The following CLEC16A variants were observed in gnomAD, a reference collection of about 807,000 sequenced individuals.
The protein encoded by CLEC16A is protein CLEC16A.
CLEC16A carries 51 observed loss-of-function variants against 109.5 expected under a neutral mutation model. That is an observed-to-expected ratio of 0.47 (90% CI 0.37 to 0.59). CLEC16A has a LOEUF of 0.59. Among genes scored for constraint, CLEC16A ranks in the 20% least tolerant of loss-of-function variants. The probability of loss-of-function intolerance (pLI) is 0.00; values close to 1 mark genes in which losing one functional copy is unlikely to be tolerated. For missense variants in CLEC16A, 1,339 were observed against 1,394.0 expected, an observed-to-expected ratio of 0.96 and a Z score of 0.63; for synonymous variants, 673 against 564.2, an observed-to-expected ratio of 1.19 and a Z score of -2.73.
At chr16:11,066,622 G>C (rs1413735228) in intron 19 of CLEC16A, 1 of 152,214 alleles carries the variant, frequency 6.6e-6, no homozygotes, top group Non-Finnish European at 1.5e-5. Context: ...TGTTGTCTGA[G>C]ACTTCTGACG....
intron 6 of CLEC16A, 71 bp from the exon 7 acceptor site, chr16:10,972,867 G>GT (rs567868193): frequency 0.013 from 15,947 of 1,217,406 alleles, 6 homozygotes; most frequent in South Asian, 0.02. Context: ...CTTTGTTTTT[G>GT]TTTTTTTTTT....
At chr16:11,024,784 C>T in intron 12 of CLEC16A, 37 bp from the exon 13 acceptor site, 1 of 1,493,060 alleles carries the variant, frequency 6.7e-7, no homozygotes, top group East Asian at 2.4e-5. Context: ...CACCCTTGTG[C>T]ACCGTGAGGC....
At chr16:11,115,628 C>A (rs548882582) in intron 19 of CLEC16A, among the ~76,000 whole-genome samples, 209 of 152,320 alleles carry the variant, frequency 1.4e-3, no homozygotes, top group African/African-American at 4.9e-3. Context: ...CCATCTCAGT[C>A]TTCAAAAGTG....
rs200316563 is a variant in CLEC16A at position 11,060,947 on chromosome 16, C to A, written c.2041C>A (p.Arg681=). ...FMLRSLSLQL[R]GEPETQLPLT... ...GCTGCGTTCCCTGTCACTGCAATTG[C>A]GAGGGGAGCCTGAGACACAGTTGCC... Residue 681 remains arginine, a synonymous_variant, in exon 19 of 24, where the codon CGA becomes AGA. Transcript: ENST00000409790. The A allele has an allele frequency of 7.4e-6, 12 of 1,612,392 alleles. No homozygotes were observed. The highest frequency in any genetic ancestry group is 5.3e-5 in the African/African-American group (4 of 74,832).
chr16:10,973,210 T>G, intron 7 of CLEC16A, 149 bp downstream of exon 7: 1 of 895,730 alleles, frequency 1.1e-6, no homozygotes, highest in Non-Finnish European at 1.6e-6. Flanking sequence ...AAGGTCCTGC[T>G]CACCTATTTG....
intron 19 of CLEC16A, among the ~76,000 whole-genome samples, chr16:11,075,796 G>C (rs773631883): frequency 1.1e-4 from 16 of 152,056 alleles, no homozygotes; most frequent in Non-Finnish European, 5.9e-5. Flanking sequence ...ATGTCAGGAG[G>C]ATGAGACGCT....
intron 9 of CLEC16A, among the ~76,000 whole-genome samples, chr16:10,982,338 A>C (rs2043370095): frequency 6.6e-6 from 1 of 151,900 alleles, no homozygotes; most frequent in Admixed American, 6.6e-5. Flanking sequence ...ATACCTCCTG[A>C]CGATGCTGTG....
chr16:11,013,911 C>T (rs2045587303), intron 11 of CLEC16A, among the ~76,000 whole-genome samples: 1 of 152,074 alleles, frequency 6.6e-6, no homozygotes, highest in Admixed American at 6.5e-5. Context: ...TGCACTCCAG[C>T]CTGGGCAACA....
At chr16:11,149,200 C>G (rs375962999) in intron 22 of CLEC16A, among the ~76,000 whole-genome samples, 1 of 152,104 alleles carries the variant, frequency 6.6e-6, no homozygotes, top group African/African-American at 2.4e-5. Flanking sequence ...AGGCAGGCAG[C>G]GGGACTTGAC....
chr16:11,011,968 A>T (rs1039107815), intron 11 of CLEC16A, among the ~76,000 whole-genome samples: 1 of 152,140 alleles, frequency 6.6e-6, no homozygotes, highest in Non-Finnish European at 1.5e-5. Flanking sequence ...TGCTTCACTT[A>T]GAGTTGTTTA....
At chr16:11,078,873 T>C (rs1224773661) in intron 19 of CLEC16A, among the ~76,000 whole-genome samples, 1 of 152,148 alleles carries the variant, frequency 6.6e-6, no homozygotes, top group Non-Finnish European at 1.5e-5. Flanking sequence ...TTTAAGCTGT[T>C]TACGCTTCTC....
intron 19 of CLEC16A, among the ~76,000 whole-genome samples, chr16:11,116,295 T>A (rs957587763): frequency 6.6e-6 from 1 of 151,452 alleles, no homozygotes; most frequent in Non-Finnish European, 1.5e-5. Flanking sequence ...TTAGGGAGGC[T>A]GAGGCAGGAG....
rs199574791 is a variant in CLEC16A, at chr16:11,020,213, G to A, written c.1324G>A (p.Glu442Lys). The A allele has an allele frequency of 6.2e-7, 1 of 1,612,798 alleles. No individual in the cohort carries two copies. The highest frequency in any genetic ancestry group is 8.5e-7 in the Non-Finnish European group (1 of 1,179,180). ...TCCAGAGATCGAGATGGTGATCATG[G>A]AGCGTAGCAAGCTCTCAGAGCTGGC... ...ESEEIEMVIM[E>K]RSKLSELAAS... The change falls in exon 12 of 24, where the codon GAG becomes AAG. Residue 442 changes from glutamate (E) to lysine (K), a missense_variant. Physicochemically the swap from Glu to Lys is moderately conservative, Grantham distance 56 (BLOSUM62 1). Transcript: ENST00000409790.
At chr16:10,959,049 G>C (rs1050066859) in intron 2 of CLEC16A, among the ~76,000 whole-genome samples, 1 of 151,430 alleles carries the variant, frequency 6.6e-6, no homozygotes, top group Non-Finnish European at 1.5e-5. Context: ...GTGTGTGTGT[G>C]TGTCTGTATT....
At chr16:11,094,002 G>C (rs1416186733) in intron 19 of CLEC16A, among the ~76,000 whole-genome samples, 1 of 152,180 alleles carries the variant, frequency 6.6e-6, no homozygotes, top group Non-Finnish European at 1.5e-5. Context: ...GGGGTGACGA[G>C]GGTCTTTGGA....
intron 19 of CLEC16A, among the ~76,000 whole-genome samples, chr16:11,062,635 T>G (rs932921435): frequency 6.6e-6 from 1 of 152,212 alleles, no homozygotes; most frequent in African/African-American, 2.4e-5. Flanking sequence ...GTAGAGGTTC[T>G]CAGTGAATGA....
intron 10 of CLEC16A, among the ~76,000 whole-genome samples, chr16:10,995,097 A>G (rs891491953): frequency 6.6e-6 from 1 of 152,264 alleles, no homozygotes; most frequent in Non-Finnish European, 1.5e-5. Flanking sequence ...CAATGTATAT[A>G]AAGTGTTCAG....
chr16:11,032,233 C>G (rs1009226885), intron 13 of CLEC16A, among the ~76,000 whole-genome samples: 16 of 152,166 alleles, frequency 1.1e-4, no homozygotes, highest in Non-Finnish European at 1.3e-4. Flanking sequence ...GCAGCATGTC[C>G]GAGGCAGCGG....
intron 22 of CLEC16A, among the ~76,000 whole-genome samples, chr16:11,133,582 T>C (rs4534865): frequency 0.36 from 55,050 of 152,012 alleles, 11,261 homozygotes; most frequent in African/African-American, 0.57. Context: ...GCAAAGCCTC[T>C]GACCGCCATC....
Sources: allele counts gnomAD v4.1 joint callset (sites outside exome capture counted in the v4.1 genomes callset), GRCh38; gene constraint gnomAD v4.1.1; transcripts MANE v1.5; gene names NCBI Gene and HGNC (gene_info 2026-07-23, HGNC 2026-07-21).